ZFAT: variants seen among roughly 807,000 people sequenced by gnomAD.
ZFAT encodes the protein zinc finger and AT-hook domain containing, also known as zinc finger protein ZFAT.
Under a neutral mutation model 117.7 loss-of-function variants are expected in ZFAT, and 64 were observed. The observed-to-expected ratio is 0.54, with a 90% confidence interval of 0.44 to 0.67. The LOEUF is 0.67. Among genes scored for constraint, ZFAT ranks in the 30% least tolerant of loss-of-function variants. ZFAT has a pLI of 0.00. For missense variants in ZFAT, 1,433 were observed against 1,584.5 expected, an observed-to-expected ratio of 0.90 and a Z score of 1.62; for synonymous variants, 679 against 615.0, an observed-to-expected ratio of 1.10 and a Z score of -1.54.
chr8:134,535,061 G>A (rs1165732571), intron 11 of ZFAT, among the ~76,000 whole-genome samples: 1 of 152,142 alleles, frequency 6.6e-6, no homozygotes, highest in Non-Finnish European at 1.5e-5. Flanking sequence ...CTGTGACATT[G>A]TCATGCCACT....
chr8:134,610,840 T>C (rs936222051), intron 3 of ZFAT, among the ~76,000 whole-genome samples, 185 bp from the exon 4 acceptor site: 1 of 152,054 alleles, frequency 6.6e-6, no homozygotes, highest in Admixed American at 6.5e-5. Context: ...ATTCAGTACA[T>C]GTTCACTGCT....
intron 15 of ZFAT, among the ~76,000 whole-genome samples, chr8:134,498,874 C>T (rs557167896): frequency 2.3e-3 from 56 of 24,854 alleles, no homozygotes; most frequent in African/African-American, 0.011. Context: ...GGGATGCCCC[C>T]GTTGCTGGTT....
At chr8:134,705,415 G>T (rs1331567783) in intron 1 of ZFAT, among the ~76,000 whole-genome samples, 3 of 130,182 alleles carry the variant, frequency 2.3e-5, no homozygotes, top group Admixed American at 8.9e-5. Context: ...TCACTATGTT[G>T]TATGTTGCCA....
At chr8:134,659,617 G>A (rs1057357151) in intron 1 of ZFAT, among the ~76,000 whole-genome samples, 3 of 152,094 alleles carry the variant, frequency 2.0e-5, no homozygotes, top group Non-Finnish European at 2.9e-5. Context: ...TGTTCTCCAG[G>A]TCATCAATTC....
At chr8:134,617,726 TA>T (rs1487489071) in intron 3 of ZFAT, among the ~76,000 whole-genome samples, 1 of 152,224 alleles carries the variant, frequency 6.6e-6, no homozygotes, top group African/African-American at 2.4e-5. Context: ...TGCTTAGAAA[TA>T]AGCTGCGCTG....
At chr8:134,518,011 A>C (rs1820373248) in intron 13 of ZFAT, among the ~76,000 whole-genome samples, 1 of 152,160 alleles carries the variant, frequency 6.6e-6, no homozygotes, top group South Asian at 2.1e-4. Flanking sequence ...TTCTGTAATT[A>C]ACAAATATTT....
At chr8:134,803,302 GT>G in the ZFAT span, among the ~76,000 whole-genome samples, 3 of 152,102 alleles carry the variant, frequency 2.0e-5, no homozygotes, top group African/African-American at 7.2e-5. Flanking sequence ...GTGTCACCTG[GT>G]CAAACAAAAT....
In ZFAT at chr8:134,602,307, A is replaced by C. The variant is rs765149031; in HGVS notation, c.1412T>G (p.Ile471Ser). Reference sequence around the variant, plus strand: ...CTCTTTGATGTGGGTGCGCAGCCTGATGGAGCTGACGAACTTCTTGCGGCA... The same window carrying C: ...CTCTTTGATGTGGGTGCGCAGCCTGCTGGAGCTGACGAACTTCTTGCGGCA... ...AVCRKKFVSS[I>S]RLRTHIKEVH... The change falls in exon 6 of 16, where the codon ATC becomes AGC. Residue 471 changes from isoleucine to serine, a missense_variant. This residue lies in a region of ZFAT where 73 missense variants were observed against 122.0 expected (regional missense o/e 0.60). Transcript: ENST00000377838. 23 of 1,613,832 alleles carry C rather than the reference A, an allele frequency of 1.4e-5. No individual in the cohort carries two copies. Among genetic ancestry groups the C allele is most frequent in the Non-Finnish European group, 1.9e-5 (22 of 1,180,052 alleles).
At chr8:134,826,459 A>C in the ZFAT span, among the ~76,000 whole-genome samples, 2 of 152,240 alleles carry the variant, frequency 1.3e-5, no homozygotes, top group Non-Finnish European at 2.9e-5. Flanking sequence ...AAATAAAAAC[A>C]ATCAAAACAA....
intron 15 of ZFAT, among the ~76,000 whole-genome samples, chr8:134,507,477 A>G (rs1428230930): frequency 1.3e-5 from 2 of 152,154 alleles, no homozygotes; most frequent in Non-Finnish European, 2.9e-5. Flanking sequence ...AACATTTCCA[A>G]ATGCAGTTCC....
chr8:134,590,256 G>A lies in ZFAT; in HGVS notation c.2563+12C>T. On this transcript the variant is annotated intron_variant, in intron 8 of 15. Transcript: ENST00000377838. ...TAACATTAATCTTCCACTCCAAAAT[G>A]CACAACCTTACCAGGATGGTTGGTC... 1.2e-6 allele frequency: 2 copies of A among 1,602,142 alleles called. No individual in the cohort carries two copies. Among genetic ancestry groups the A allele is most frequent in the Admixed American group, 1.7e-5 (1 of 58,810 alleles).
the ZFAT span, among the ~76,000 whole-genome samples, chr8:134,734,194 A>G: frequency 6.6e-6 from 1 of 152,134 alleles, no homozygotes; most frequent in Non-Finnish European, 1.5e-5. Context: ...CCCCCACTTC[A>G]GGGGACTCCC....
chr8:134,773,304 G>C, the ZFAT span, among the ~76,000 whole-genome samples: 1 of 152,058 alleles, frequency 6.6e-6, no homozygotes, highest in African/African-American at 2.4e-5. Flanking sequence ...TTACAGCCTG[G>C]TTTATTAAAT....
In ZFAT at chr8:134,478,233, T is replaced by C; in HGVS notation, c.*249A>G. 1 of 549,548 alleles carries C rather than the reference T, an allele frequency of 1.8e-6. No homozygotes were observed. The highest frequency in any genetic ancestry group is 3.2e-6 in the Non-Finnish European group (1 of 308,134). The allele number at this position is 549,548 out of a possible 1,614,324, so 34.0% of individuals were successfully genotyped here. On this transcript the variant is annotated 3_prime_UTR_variant, in exon 16 of 16. Transcript: ENST00000377838. The surrounding 1 kb of genome is among the most constrained non-coding windows in gnomAD (Gnocchi z 5.2). The stretch of plus-strand genomic sequence containing the variant: ...TGTAGGGGAGCTGACACTGAAGTCT[T>C]TCAGGAAGCAGATGGTAAGGGTCAG...
the ZFAT span, among the ~76,000 whole-genome samples, chr8:134,727,336 G>T: frequency 6.8e-4 from 104 of 152,218 alleles, 2 homozygotes; most frequent in South Asian, 0.021. Context: ...CTGGTGCAAA[G>T]GTCCTGAGGT....
upstream of ZFAT, among the ~76,000 whole-genome samples, chr8:134,717,466 C>CTTT (rs746460924): frequency 2.3e-3 from 44 of 19,356 alleles, 14 homozygotes; most frequent in Non-Finnish European, 3.2e-3. Flanking sequence ...AATAACAACT[C>CTTT]TTTTTTTTTT....
the ZFAT span, among the ~76,000 whole-genome samples, chr8:134,806,625 G>A: frequency 6.6e-6 from 1 of 152,082 alleles, no homozygotes; most frequent in African/African-American, 2.4e-5. Context: ...CCTGTCCTCA[G>A]TTTAATTTTT....
intron 15 of ZFAT, among the ~76,000 whole-genome samples, chr8:134,496,761 A>G (rs990071491): frequency 2.0e-5 from 3 of 152,184 alleles, no homozygotes; most frequent in African/African-American, 7.2e-5. Flanking sequence ...GGTTTGTGAC[A>G]CAGTTCCTAA....
At chr8:134,512,734 C>G in intron 13 of ZFAT, 133 bp from the exon 14 acceptor site, 3 of 1,193,642 alleles carry the variant, frequency 2.5e-6, no homozygotes, top group Non-Finnish European at 3.4e-6. Flanking sequence ...TTACCTGGCA[C>G]CCCTGAGAAA....
Sources: allele counts gnomAD v4.1 joint callset (sites outside exome capture counted in the v4.1 genomes callset), GRCh38; gene constraint gnomAD v4.1.1; regional missense constraint gnomAD v4.1.1; non-coding constraint Gnocchi (gnomAD v3.1); transcripts MANE v1.5; gene names NCBI Gene and HGNC (gene_info 2026-07-23, HGNC 2026-07-21).